Variants in USP42 observed in about 807,000 individuals in gnomAD.
USP42 encodes ubiquitin carboxyl-terminal hydrolase 42.
A neutral mutation model predicts 113.0 loss-of-function variants in USP42; 23 were observed. The ratio of observed to expected loss-of-function variants is 0.20; its 90% confidence interval spans 0.15 to 0.29. USP42 has a LOEUF of 0.29. Among genes scored for constraint, USP42 ranks in the 10% least tolerant of loss-of-function variants. USP42 has a pLI of 1.00. For missense variants in USP42, 2,174 were observed against 1,779.8 expected, an observed-to-expected ratio of 1.22 and a Z score of -3.99; for synonymous variants, 933 against 699.0, an observed-to-expected ratio of 1.33 and a Z score of -5.28.
Position 6,154,634 on chromosome 7 carries a change from G to A in USP42, c.3080G>A (p.Gly1027Glu), listed in dbSNP as rs369773451. 6.2e-7 allele frequency: 1 copy of A among 1,603,098 alleles called. No homozygotes were observed. Among genetic ancestry groups the A allele is most frequent in the South Asian group, 1.1e-5 (1 of 89,178 alleles). Residue 1027 changes from glycine to glutamate, a missense_variant, in exon 15 of 18, where the codon GGG (glycine) becomes GAG (glutamate). Gly to Glu is a moderately conservative substitution (Grantham distance 98). Transcript: ENST00000306177. ...CACCACCACTCCCGACACCGGAGCG[G>A]GGTGGAGCTGGACTGGGTCAGACAC... is the stretch of plus-strand genomic sequence containing the variant. ...CSHHHSRHRS[G>E]VELDWVRHHY...
upstream of USP42, among the ~76,000 whole-genome samples, chr7:6,104,677 C>T (rs61753115): frequency 0.065 from 9,889 of 152,214 alleles, 511 homozygotes; most frequent in African/African-American, 0.14. Context: ...CGCAGACGCG[C>T]GACCAGCCCA....
chr7:6,154,231 C>G lies in USP42; in HGVS notation c.2677C>G (p.Pro893Ala), dbSNP rs1036970927. ...GGACCCATCCCAGAGCTTGGGCGCA[C>G]CCGAGGCCGCAGAGCGGCCGCCAGC... is the stretch of plus-strand genomic sequence containing the variant. ...AQDPSQSLGA[P>A]EAAERPPAPV... The change falls in exon 15 of 18, where the codon CCC becomes GCC. Residue 893 changes from proline to alanine, a missense_variant. Physicochemically the swap from Pro to Ala is conservative, Grantham distance 27. Coordinates refer to ENST00000306177, the MANE Select transcript of USP42 (RefSeq NM_032172.3). 2.1e-5 allele frequency: 33 copies of G among 1,606,258 alleles called. No individual in the cohort carries two copies. In the African/African-American group the frequency reaches 4.1e-4, roughly 20 times the overall value.
Position 6,139,825 on chromosome 7 carries a change from C to CTA in USP42, c.657-303_657-302insTA. ...CCGCTCCCTTTCCTCCCACACAGGC[C>CTA]GCAGTGCCCGGAGGCTGCCATCTTC... On this transcript the variant is annotated intron_variant, in intron 5 of 17. Coordinates refer to ENST00000306177, the MANE Select transcript of USP42 (RefSeq NM_032172.3). The surrounding 1 kb of genome is among the most constrained non-coding windows in gnomAD (Gnocchi z 4.5). The CTA allele has an allele frequency of 2.2e-6, 1 of 455,442 alleles. No individual in the cohort carries two copies. Among genetic ancestry groups the CTA allele is most frequent in the Non-Finnish European group, 4.0e-6 (1 of 250,382 alleles). 28.2% of individuals were successfully genotyped at this position (455,442 alleles called of 1,614,324 possible).
chr7:6,140,002 T>C (rs1781353866), intron 5 of USP42, 126 bp from the exon 6 acceptor site: 2 of 938,236 alleles, frequency 2.1e-6, no homozygotes, highest in Non-Finnish European at 3.5e-6. Flanking sequence ...GCCATCCTTT[T>C]ATTTTCCATG....
upstream of USP42, among the ~76,000 whole-genome samples, chr7:6,103,985 A>G (rs1779105994): frequency 6.6e-6 from 1 of 151,086 alleles, no homozygotes; most frequent in Admixed American, 6.6e-5. Flanking sequence ...TAGGGAGGCT[A>G]AGACAGGAAC....
intron 3 of USP42, among the ~76,000 whole-genome samples, chr7:6,121,693 C>T (rs913513484): frequency 6.6e-6 from 1 of 152,200 alleles, no homozygotes; most frequent in Non-Finnish European, 1.5e-5. Context: ...AAGACAGGAT[C>T]TTGCTCTTTT....
In USP42 at chr7:6,158,446, T is replaced by C. The variant is rs1782585032; in HGVS notation, c.3944-1004T>C. The stretch of plus-strand genomic sequence containing the variant: ...GAGGCCTTTTGCTTCTCGGCTGAGT[T>C]GTGGGTTAGGTGGAGCTGTGTGTTC... On this transcript the variant is annotated intron_variant, in intron 16 of 17. Transcript: ENST00000306177. This position sits in a 1 kb window ranked among gnomAD's most constrained non-coding sequence, Gnocchi z 4.2. 2.6e-5 allele frequency among the ~76,000 whole-genome samples: 4 copies of C among 151,976 alleles called. No individual in the cohort carries two copies. The South Asian group carries it at 6.2e-4, about 24-fold the overall frequency.
intron 3 of USP42, among the ~76,000 whole-genome samples, chr7:6,128,593 T>A (rs775758853): frequency 6.6e-6 from 1 of 152,202 alleles, no homozygotes; most frequent in African/African-American, 2.4e-5. Context: ...GTCTTTTAAC[T>A]CTCTGCTGCT....
Position 6,153,744 on chromosome 7 carries a change from T to TG in USP42, c.2202-7dup, listed in dbSNP as rs1782208024. 2.8e-6 allele frequency: 4 copies of TG among 1,439,814 alleles called. No individual in the cohort carries two copies. Among genetic ancestry groups the TG allele is most frequent in the Non-Finnish European group, 3.7e-6 (4 of 1,094,976 alleles). 89.2% of individuals were successfully genotyped at this position (1,439,814 alleles called of 1,614,324 possible). On this transcript the variant is annotated splice_polypyrimidine_tract_variant and intron_variant, in intron 14 of 17. Transcript: ENST00000306177. ...ACGCTAACGGGCGTGTTTGTTTGTT[T>TG]GGGGGCTGCAGTGCACCTGGAGCAG...
At chr7:6,149,056 C>T (rs1421725493) in intron 12 of USP42, among the ~76,000 whole-genome samples, 2 of 152,210 alleles carry the variant, frequency 1.3e-5, no homozygotes, top group East Asian at 1.9e-4. Context: ...CACGGGGGTG[C>T]AGCAGCCATG....
At chr7:6,132,598 A>G (rs923124659) in intron 3 of USP42, among the ~76,000 whole-genome samples, 1 of 151,870 alleles carries the variant, frequency 6.6e-6, no homozygotes, top group African/African-American at 2.4e-5. Flanking sequence ...ACCTCAAGTG[A>G]TCTACCCGCC....
intron 3 of USP42, among the ~76,000 whole-genome samples, chr7:6,133,802 A>G (rs9655493): frequency 0.097 from 14,750 of 151,956 alleles, 874 homozygotes; most frequent in African/African-American, 0.16. Flanking sequence ...TGACAGGCGT[A>G]AGCCACCGCA....
At position 6,138,527 on chromosome 7, in the gene USP42, G is replaced by A. The variant is rs546902757; in HGVS notation, c.554-565G>A. Among the ~76,000 whole-genome samples the A allele has an allele frequency of 1.6e-3, 241 of 152,290 alleles. 2 individuals are homozygous for A. The highest frequency in any genetic ancestry group is 3.4e-3 in the Middle Eastern group (1 of 294). ...ACTTGCTAGAAACATGAGTCACTCTGTAGCTACTCTCTAGACTCTCAGAAA... is the reference window on the plus strand; with the variant it reads ...ACTTGCTAGAAACATGAGTCACTCTATAGCTACTCTCTAGACTCTCAGAAA... On this transcript the variant is annotated intron_variant, in intron 4 of 17. Coordinates refer to ENST00000306177, the MANE Select transcript of USP42 (RefSeq NM_032172.3).
chr7:6,084,919 A>C, the USP42 span, among the ~76,000 whole-genome samples: 1 of 150,340 alleles, frequency 6.7e-6, no homozygotes, highest in Non-Finnish European at 1.5e-5. Context: ...GGGTTTCACC[A>C]TGTTGGTCAA....
chr7:6,144,155 C>T lies in USP42; in HGVS notation c.949C>T (p.Leu317=), dbSNP rs763424836. 3.1e-6 allele frequency: 5 copies of T among 1,595,906 alleles called. No homozygotes were observed. In the South Asian group the frequency reaches 4.6e-5, roughly 15 times the overall value. Residue 317 remains leucine (L), a synonymous_variant, in exon 9 of 18, where the codon CTG becomes TTG. Coordinates refer to ENST00000306177, the MANE Select transcript of USP42 (RefSeq NM_032172.3). The part of the protein sequence containing the change: ...HRSSNVLTLS[L]KRFANFTGGK... Reference sequence around the variant, plus strand: ...ATCCTCTAATGTTCTTACACTTTCTCTGAAACGTTTTGCAAATTTTACCGG... The same window carrying T: ...ATCCTCTAATGTTCTTACACTTTCTTTGAAACGTTTTGCAAATTTTACCGG...
At chr7:6,125,697 A>G (rs1780501498) in intron 3 of USP42, among the ~76,000 whole-genome samples, 1 of 151,650 alleles carries the variant, frequency 6.6e-6, no homozygotes, top group African/African-American at 2.4e-5. Context: ...TACTGTTTTC[A>G]CTGCTTTTCA....
At chr7:6,135,803 T>C (rs1427006050) in intron 3 of USP42, 38 bp from the exon 4 acceptor site, 1 of 1,370,158 alleles carries the variant, frequency 7.3e-7, no homozygotes, top group Admixed American at 2.1e-5. Context: ...TATATGGTTG[T>C]ATTTTGCTAA....
In USP42 at chr7:6,154,662, C is replaced by G. The variant is rs1201032221; in HGVS notation, c.3108C>G (p.His1036Gln). 2 of 1,606,334 alleles carry G rather than the reference C, an allele frequency of 1.2e-6. No individual in the cohort carries two copies. The highest frequency in any genetic ancestry group is 2.2e-5 in the East Asian group (1 of 44,628). ...SGVELDWVRH[H>Q]YTEGERGWGR... ...TGGAGCTGGACTGGGTCAGACACCA[C>G]TACACCGAGGGCGAGCGTGGCTGGG... is the stretch of plus-strand genomic sequence containing the variant. The change falls in exon 15 of 18, where the codon CAC (histidine) becomes CAG (glutamine). Residue 1036 changes from histidine (H) to glutamine (Q), a missense_variant. His to Gln is a conservative substitution (Grantham distance 24, BLOSUM62 0). Transcript: ENST00000306177.
intron 3 of USP42, among the ~76,000 whole-genome samples, chr7:6,122,411 A>G (rs1780277119): frequency 6.6e-6 from 1 of 151,564 alleles, no homozygotes; most frequent in African/African-American, 2.4e-5. Flanking sequence ...TCACCTTCCC[A>G]AGTAGCTGAG....
Sources: gnomAD v4.1 joint callset for allele counts (sites outside exome capture counted in the v4.1 genomes callset) on GRCh38, gnomAD v4.1.1 for gene constraint, Gnocchi (gnomAD v3.1) non-coding constraint, MANE v1.5 for transcripts, NCBI Gene and HGNC (gene_info 2026-07-23, HGNC 2026-07-21) for gene names.